The following DCLRE1C variants were observed in gnomAD, a reference collection of about 807,000 sequenced individuals.
The protein encoded by DCLRE1C is DNA cross-link repair 1C, also known as protein artemis.
A neutral mutation model predicts 61.4 loss-of-function variants in DCLRE1C; 47 were observed. The ratio of observed to expected loss-of-function variants is 0.77; its 90% CI spans 0.61 to 0.98. DCLRE1C has a LOEUF of 0.98. Among genes scored for constraint, DCLRE1C ranks in the 50% least tolerant of loss-of-function variants. The pLI is 0.00. For missense variants in DCLRE1C, 858 were observed against 816.0 expected (o/e 1.05, Z -0.63); for synonymous variants, 337 against 287.6 (o/e 1.17, Z -1.74).
intron 3 of DCLRE1C, 64 bp from the exon 4 acceptor site, chr10:14,939,933 G>A: frequency 2.4e-6 from 3 of 1,257,294 alleles, no homozygotes; most frequent in Middle Eastern, 2.1e-4. Context: ...TGCCTTTGCT[G>A]TCTGAAACAC....
intron 13 of DCLRE1C, among the ~76,000 whole-genome samples, chr10:14,911,955 C>A (rs1002586599): frequency 2.0e-5 from 3 of 152,344 alleles, no homozygotes; most frequent in Non-Finnish European, 4.4e-5. Flanking sequence ...TGTGAAGGAA[C>A]TGGAATCTTT....
chr10:14,935,493 G>C lies in DCLRE1C; in HGVS notation c.434C>G (p.Ala145Gly). Residue 145 changes from alanine (A) to glycine (G), a missense_variant, in exon 6 of 14, where the codon GCT (alanine) becomes GGT (glycine). Ala to Gly is a moderately conservative substitution (Grantham distance 60). Coordinates refer to ENST00000378278, the MANE Select transcript of DCLRE1C (RefSeq NM_001033855.3). ...GDFRLAQGEAARMELLHSGGR... is the reference protein window; with the variant it reads ...GDFRLAQGEAGRMELLHSGGR... ...CCCGGAGTGCAGAAGCTCCATTCTA[G>C]CAGCTTCTCCTTGCGCCAATCTGAA... 4 of 1,614,048 alleles carry C rather than the reference G, an allele frequency of 2.5e-6. No homozygotes were observed. The highest frequency in any genetic ancestry group is 3.4e-6 in the Non-Finnish European group (4 of 1,179,990).
In DCLRE1C at chr10:14,906,068, G is replaced by C. The variant is rs2131744651; in HGVS notation, c.*2340C>G. The stretch of plus-strand genomic sequence containing the variant: ...CCAAGTAGCTGCTACAATTAACCCT[G>C]CTCATGTTTATACTTTTTTGGAGAG... On this transcript the variant is annotated 3_prime_UTR_variant, in exon 14 of 14. Coordinates refer to ENST00000378278, the MANE Select transcript of DCLRE1C (RefSeq NM_001033855.3). Among the ~76,000 whole-genome samples the C allele has an allele frequency of 6.6e-6, 1 of 152,296 alleles. No homozygotes were observed. Among genetic ancestry groups the C allele is most frequent in the Middle Eastern group, 3.4e-3 (1 of 294 alleles).
At chr10:14,922,161 C>T (rs1268931295) in intron 12 of DCLRE1C, among the ~76,000 whole-genome samples, 3 of 152,202 alleles carry the variant, frequency 2.0e-5, no homozygotes, top group African/African-American at 7.2e-5. Context: ...CATTCATGGG[C>T]CGGGTGCAGT....
intron 9 of DCLRE1C, among the ~76,000 whole-genome samples, chr10:14,930,202 C>A (rs1402216391): frequency 1.3e-5 from 2 of 151,522 alleles, no homozygotes; most frequent in African/African-American, 4.9e-5. Flanking sequence ...ACCTCCACCT[C>A]CCAAACTCAA....
intron 13 of DCLRE1C, among the ~76,000 whole-genome samples, chr10:14,909,826 A>T (rs1177574211): frequency 2.0e-5 from 3 of 152,194 alleles, no homozygotes; most frequent in Non-Finnish European, 4.4e-5. Context: ...TGAGCATCTT[A>T]TTGACATGTT....
At chr10:14,932,144 A>T (rs1839105990) in intron 9 of DCLRE1C, among the ~76,000 whole-genome samples, 1 of 152,144 alleles carries the variant, frequency 6.6e-6, no homozygotes, top group Non-Finnish European at 1.5e-5. Flanking sequence ...CAATCACTTG[A>T]ACCTAGGAGA....
rs886046846 is a variant in DCLRE1C, at chr10:14,908,102, C to T, written c.*306G>A. ...GTGGCACAGTCATGGCTCACTGCAG[C>T]CTCAATCTCCTGGGCTCAAGTGATC... On this transcript the variant is annotated 3_prime_UTR_variant, in exon 14 of 14. Coordinates refer to ENST00000378278, the MANE Select transcript of DCLRE1C (RefSeq NM_001033855.3). 1.6e-5 allele frequency: 5 copies of T among 317,562 alleles called. No homozygotes were observed. The South Asian group carries it at 1.7e-4, about 11-fold the overall frequency. 19.7% of individuals were successfully genotyped at this position (317,562 alleles called of 1,614,324 possible). A position where few individuals can be genotyped will look rare whatever the true frequency, so the allele number is the denominator to read the frequency against.
At chr10:14,935,312 CAA>C (rs2130952337) in intron 6 of DCLRE1C, 149 bp downstream of exon 6, 1 of 821,766 alleles carries the variant, frequency 1.2e-6, no homozygotes, top group East Asian at 2.9e-5. Context: ...ACTAAAAATA[CAA>C]AATTAGCTGG....
intron 3 of DCLRE1C, among the ~76,000 whole-genome samples, chr10:14,944,681 T>C (rs564727437): frequency 6.8e-6 from 1 of 147,158 alleles, no homozygotes; most frequent in African/African-American, 2.5e-5. Context: ...TTCTTTTTTT[T>C]TTTTTTTTTT....
At chr10:14,954,369 G>T (rs140710760), upstream of DCLRE1C, 3 of 380,196 alleles carry the variant, frequency 7.9e-6, no homozygotes, top group Non-Finnish European at 1.5e-5. Flanking sequence ...TCCCAGAGCA[G>T]GTGGCCCCAG....
rs994811784 is a variant in DCLRE1C, at chr10:14,905,220, T to C, written c.*3188A>G. Among the ~76,000 whole-genome samples, 1 of 152,284 alleles carries C rather than the reference T, an allele frequency of 6.6e-6. No homozygotes were observed. The highest frequency in any genetic ancestry group is 1.5e-5 in the Non-Finnish European group (1 of 68,044). On this transcript the variant is annotated 3_prime_UTR_variant, in exon 14 of 14. Transcript: ENST00000378278. ...CTTTCATGGTTCATGCATTTGATAC[T>C]ACACTTGATCTTGGCCAAAAGGCCA... is the stretch of plus-strand genomic sequence containing the variant.
At chr10:14,901,675 GA>G (rs1175440700), downstream of DCLRE1C, among the ~76,000 whole-genome samples, 1 of 151,464 alleles carries the variant, frequency 6.6e-6, no homozygotes, top group Admixed American at 6.6e-5. Context: ...TACAAAATAT[GA>G]AAAAACTAGC....
rs114767681 is a variant in DCLRE1C at position 14,908,996 on chromosome 10, A to G, written c.1491T>C (p.Asp497=). Residue 497 remains aspartate, a synonymous_variant, in exon 14 of 14, where the codon GAT becomes GAC. Coordinates refer to ENST00000378278, the MANE Select transcript of DCLRE1C (RefSeq NM_001033855.3). ...TTTCCAAACTCTCATCTGTGATTTC[A>G]TCATTTCTTTTAAAGAATACTTCCC... ...PQWEVFFKRN[D]EITDESLENF... 2.0e-4 allele frequency: 328 copies of G among 1,614,054 alleles called. No individual in the cohort carries two copies. The highest frequency in any genetic ancestry group is 2.7e-4 in the Non-Finnish European group (324 of 1,179,992).
downstream of DCLRE1C, chr10:14,903,634 G>A (rs1394903840): frequency 6.6e-6 from 1 of 152,140 alleles, no homozygotes; most frequent in Non-Finnish European, 1.5e-5. Context: ...GTCAACCTAC[G>A]AAGACTAAAA....
chr10:14,898,103 T>A (rs1289444400), exon 14 of DCLRE1C: 2 of 150,172 alleles, frequency 1.3e-5, no homozygotes, highest in African/African-American at 2.4e-5. Context: ...TATATATATA[T>A]AAATGTAAAA....
downstream of DCLRE1C, chr10:14,901,382 C>G: frequency 1.5e-6 from 2 of 1,331,970 alleles, no homozygotes; most frequent in Non-Finnish European, 2.1e-6. Context: ...AGTTGAGGCA[C>G]TAAGTTTGTC....
rs1453241953 is a variant in DCLRE1C at position 14,906,014 on chromosome 10, C to T, written c.*2394G>A. Among the ~76,000 whole-genome samples the T allele has an allele frequency of 6.6e-6, 1 of 152,128 alleles. No individual in the cohort carries two copies. Among genetic ancestry groups the T allele is most frequent in the Admixed American group, 6.6e-5 (1 of 15,266 alleles). ...AAAAAACAAAAACTTCATGTTTCCT[C>T]TTGTGGTTTATGATTCTTGACGTAA... On this transcript the variant is annotated 3_prime_UTR_variant, in exon 14 of 14. Transcript: ENST00000378278.
chr10:14,935,668 T>A, intron 5 of DCLRE1C, 104 bp from the exon 6 acceptor site: 2 of 1,122,194 alleles, frequency 1.8e-6, no homozygotes, highest in Non-Finnish European at 2.7e-6. Flanking sequence ...AACATATCCA[T>A]TACAATACAA....
Sources: gnomAD v4.1 joint callset for allele counts (sites outside exome capture counted in the v4.1 genomes callset) on GRCh38, gnomAD v4.1.1 for gene constraint, MANE v1.5 for transcripts, NCBI Gene and HGNC (gene_info 2026-07-23, HGNC 2026-07-21) for gene names.